MYT1L: variants seen among roughly 807,000 people sequenced by gnomAD.
The protein encoded by MYT1L is myelin transcription factor 1-like protein.
In MYT1L, 12 loss-of-function variants were observed where a neutral mutation model predicts 126.7. The observed-to-expected ratio is 0.09, with a 90% CI of 0.06 to 0.15. MYT1L has a LOEUF of 0.15. MYT1L is among the 10% of genes least tolerant of loss of function. MYT1L has a pLI of 1.00. For synonymous variants in MYT1L, 541 were observed against 604.2 expected (o/e 0.90, Z 1.53); for missense variants, 979 against 1,585.2 (o/e 0.62, Z 6.49).
chr2:2,031,390 C>T (rs1330869181), intron 4 of MYT1L, among the ~76,000 whole-genome samples: 1 of 151,932 alleles, frequency 6.6e-6, no homozygotes, highest in Non-Finnish European at 1.5e-5. Context: ...CTTATACACA[C>T]CCCTCCCAAG....
chr2:1,937,745 G>A (rs998687995), intron 9 of MYT1L, among the ~76,000 whole-genome samples: 3 of 152,082 alleles, frequency 2.0e-5, no homozygotes, highest in African/African-American at 7.2e-5. Flanking sequence ...CCATCAGATG[G>A]CAAGTCGAGA....
At chr2:2,270,578 CCGAGCAA>C (rs2095243184) in intron 2 of MYT1L, among the ~76,000 whole-genome samples, 1 of 151,958 alleles carries the variant, frequency 6.6e-6, no homozygotes, top group Non-Finnish European at 1.5e-5. Flanking sequence ...TACAGCCAAT[CCGAGCAA>C]TGAAAAAATT....
intron 19 of MYT1L, among the ~76,000 whole-genome samples, chr2:1,843,811 G>T (rs1315997669): frequency 1.3e-5 from 2 of 152,202 alleles, no homozygotes; most frequent in East Asian, 3.9e-4. Flanking sequence ...CTGTGGACTT[G>T]GGAGCCAGGG....
intron 13 of MYT1L, among the ~76,000 whole-genome samples, chr2:1,905,620 C>T (rs769766672): frequency 8.5e-5 from 13 of 152,170 alleles, no homozygotes; most frequent in Non-Finnish European, 1.9e-4. Context: ...TCTCAAAGTG[C>T]TGGGATTACA....
Position 1,889,549 on chromosome 2 carries a change from T to C in MYT1L, c.2284-72A>G. The C allele has an allele frequency of 8.0e-7, 1 of 1,248,898 alleles. No individual in the cohort carries two copies. Among genetic ancestry groups the C allele is most frequent in the South Asian group, 1.4e-5 (1 of 69,586 alleles). 77.4% of individuals were successfully genotyped at this position (1,248,898 alleles called of 1,614,324 possible). ...GACACCACGAGTCCTTCCTCCCAGA[T>C]TACAGTCCTGCCGTCAGCCAGTGTA... On this transcript the variant is annotated intron_variant, in intron 15 of 24. Coordinates refer to ENST00000647738, the MANE Select transcript of MYT1L (RefSeq NM_001303052.2). This position sits in a 1 kb window ranked among gnomAD's most constrained non-coding sequence, Gnocchi z 4.1.
At chr2:1,977,682 G>T (rs937846541) in intron 8 of MYT1L, among the ~76,000 whole-genome samples, 1 of 151,968 alleles carries the variant, frequency 6.6e-6, no homozygotes, top group Admixed American at 6.6e-5. Context: ...ATAAAAATTA[G>T]AATAAACATT....
At chr2:1,959,455 C>G (rs2058780220) in intron 8 of MYT1L, among the ~76,000 whole-genome samples, 1 of 152,208 alleles carries the variant, frequency 6.6e-6, no homozygotes, top group Non-Finnish European at 1.5e-5. Context: ...TCTGGTACAT[C>G]TGGGCACTCA....
At chr2:1,937,250 G>A (rs1255401843) in intron 9 of MYT1L, among the ~76,000 whole-genome samples, 1 of 152,202 alleles carries the variant, frequency 6.6e-6, no homozygotes, top group Non-Finnish European at 1.5e-5. Context: ...TCCATGCCTT[G>A]CCCAGAGCAG....
At chr2:2,074,633 GA>G (rs1166752626) in intron 3 of MYT1L, among the ~76,000 whole-genome samples, 11 of 152,168 alleles carry the variant, frequency 7.2e-5, no homozygotes, top group African/African-American at 2.7e-4. Context: ...AATACAGTAA[GA>G]AAGAGCACAC....
intron 1 of MYT1L, among the ~76,000 whole-genome samples, chr2:2,285,294 T>C (rs575085572): frequency 9.9e-5 from 15 of 152,212 alleles, no homozygotes; most frequent in African/African-American, 3.6e-4. Context: ...AGCTTGCCTA[T>C]CTAAGGCCAT....
At chr2:1,971,401 G>A (rs1335692720) in intron 8 of MYT1L, among the ~76,000 whole-genome samples, 1 of 152,132 alleles carries the variant, frequency 6.6e-6, no homozygotes, top group South Asian at 2.1e-4. Context: ...AAGACTTACT[G>A]TGACAATAAA....
intron 2 of MYT1L, among the ~76,000 whole-genome samples, chr2:2,222,510 T>TA (rs1286917565): frequency 5.9e-5 from 9 of 151,754 alleles, no homozygotes; most frequent in Non-Finnish European, 1.2e-4. Flanking sequence ...AAAAAAAATT[T>TA]TTTTTTGGTA....
intron 3 of MYT1L, among the ~76,000 whole-genome samples, chr2:2,121,093 C>A (rs1271705648): frequency 2.0e-5 from 3 of 152,186 alleles, no homozygotes; most frequent in Non-Finnish European, 4.4e-5. Flanking sequence ...GCCGGATTTT[C>A]ATTTTATAGT....
chr2:2,199,454 G>A (rs1038632941), intron 2 of MYT1L, among the ~76,000 whole-genome samples: 2 of 152,150 alleles, frequency 1.3e-5, no homozygotes, highest in Admixed American at 1.3e-4. Flanking sequence ...GCGGGGTATA[G>A]CGTGATCCCC....
intron 3 of MYT1L, among the ~76,000 whole-genome samples, chr2:2,104,599 A>G (rs1045051271): frequency 1.3e-5 from 2 of 152,164 alleles, no homozygotes; most frequent in African/African-American, 4.8e-5. Flanking sequence ...GGCATCCCTG[A>G]CCTTTATGGT....
At chr2:2,067,298 C>T (rs1013515917) in intron 3 of MYT1L, among the ~76,000 whole-genome samples, 35 of 151,926 alleles carry the variant, frequency 2.3e-4, no homozygotes, top group African/African-American at 8.2e-4. Context: ...GAGGAGACTT[C>T]GGAATAGAGA....
chr2:2,160,987 C>G (rs184200942), intron 3 of MYT1L, among the ~76,000 whole-genome samples: 3 of 152,058 alleles, frequency 2.0e-5, no homozygotes, highest in African/African-American at 7.2e-5. Flanking sequence ...GAGGCCAAGG[C>G]GGGCGGATCA....
At chr2:2,164,096 T>C (rs2088568711) in intron 3 of MYT1L, among the ~76,000 whole-genome samples, 2 of 152,176 alleles carry the variant, frequency 1.3e-5, no homozygotes, top group African/African-American at 4.8e-5. Flanking sequence ...ATAGTGTACG[T>C]AATTTAGCTC....
chr2:2,272,789 T>C (rs932100701), intron 2 of MYT1L, among the ~76,000 whole-genome samples: 15 of 152,142 alleles, frequency 9.9e-5, no homozygotes, highest in Non-Finnish European at 1.8e-4. Flanking sequence ...TTTCATTCCA[T>C]TGGCTGCTCG....
Sources: allele counts gnomAD v4.1 joint callset (sites outside exome capture counted in the v4.1 genomes callset), GRCh38; gene constraint gnomAD v4.1.1; non-coding constraint Gnocchi (gnomAD v3.1); transcripts MANE v1.5; gene names NCBI Gene and HGNC (gene_info 2026-07-23, HGNC 2026-07-21).